LDLRAD3: variants seen among roughly 807,000 people sequenced by gnomAD.
The protein encoded by LDLRAD3 is low-density lipoprotein receptor class A domain-containing protein 3.
In LDLRAD3, 20 loss-of-function variants were observed where a neutral mutation model predicts 29.4. The ratio of observed to expected loss-of-function variants is 0.68; its 90% CI spans 0.48 to 0.99. The LOEUF (loss-of-function observed/expected upper bound fraction) is 0.99. LDLRAD3 is among the 50% of genes least tolerant of loss of function. LDLRAD3 has a pLI of 0.00. For synonymous variants in LDLRAD3, 157 were observed against 192.7 expected, an observed-to-expected ratio of 0.81 and a Z score of 1.53; for missense variants, 420 against 454.3, an observed-to-expected ratio of 0.92 and a Z score of 0.69.
intron 1 of LDLRAD3, among the ~76,000 whole-genome samples, chr11:36,035,552 T>C (rs1852292839): frequency 6.6e-6 from 1 of 152,204 alleles, no homozygotes; most frequent in African/African-American, 2.4e-5. Context: ...CAAGATTCAA[T>C]GTGGCCTTTT....
intron 1 of LDLRAD3, 72 bp from the exon 2 acceptor site, chr11:36,036,031 C>T (rs931679223): frequency 2.7e-5 from 40 of 1,501,322 alleles, no homozygotes; most frequent in Non-Finnish European, 3.5e-5. Flanking sequence ...CCAAACCACA[C>T]ACCTTTCAGT....
intron 3 of LDLRAD3, among the ~76,000 whole-genome samples, chr11:36,093,144 A>G (rs1853308264): frequency 2.0e-5 from 3 of 152,188 alleles, no homozygotes; most frequent in Admixed American, 2.0e-4. Flanking sequence ...AGGGAAGGGA[A>G]GTGAGTGCTC....
intron 3 of LDLRAD3, among the ~76,000 whole-genome samples, chr11:36,083,050 A>G (rs1853140065): frequency 6.6e-6 from 1 of 152,236 alleles, no homozygotes; most frequent in Admixed American, 6.5e-5. Context: ...GGTTCACAGC[A>G]AAACTGAGAG....
intron 4 of LDLRAD3, among the ~76,000 whole-genome samples, chr11:36,139,538 C>T (rs569794000): frequency 6.6e-6 from 1 of 152,246 alleles, no homozygotes; most frequent in South Asian, 2.1e-4. Context: ...TGATGTTTTT[C>T]AGTCGCTTCA....
At chr11:36,165,059 G>A (rs1035810346) in intron 4 of LDLRAD3, among the ~76,000 whole-genome samples, 2 of 152,192 alleles carry the variant, frequency 1.3e-5, no homozygotes, top group African/African-American at 4.8e-5. Context: ...ATCACTATTA[G>A]CAGTTGGCGT....
intron 2 of LDLRAD3, among the ~76,000 whole-genome samples, chr11:36,066,256 C>G (rs2133239262): frequency 6.6e-6 from 1 of 151,296 alleles, no homozygotes; most frequent in Non-Finnish European, 1.5e-5. Context: ...TACTGAAAGA[C>G]TCTTTTTTTA....
intron 2 of LDLRAD3, 46 bp downstream of exon 2, chr11:36,036,295 G>A (rs1210616005): frequency 2.5e-6 from 4 of 1,611,054 alleles, no homozygotes; most frequent in African/African-American, 2.7e-5. Context: ...AGCCATCCTG[G>A]GGCAGAGGGG....
chr11:36,099,783 G>A (rs1396259458), intron 4 of LDLRAD3, among the ~76,000 whole-genome samples: 1 of 152,154 alleles, frequency 6.6e-6, no homozygotes, highest in Non-Finnish European at 1.5e-5. Flanking sequence ...AAGGATTATG[G>A]TCAATCTAAA....
rs550508847 is a variant in LDLRAD3 at position 36,198,374 on chromosome 11, T to C, written c.455-28711T>C. 5.6e-3 allele frequency among the ~76,000 whole-genome samples: 846 copies of C among 151,394 alleles called. 5 individuals are homozygous for C. Among genetic ancestry groups the C allele is most frequent in the Non-Finnish European group, 9.0e-3 (611 of 67,782 alleles). On this transcript the variant is annotated intron_variant, in intron 4 of 5. Coordinates refer to ENST00000315571, the MANE Select transcript of LDLRAD3 (RefSeq NM_174902.4). Reference sequence around the variant, plus strand: ...CACCTTCTTTATGAATGGTTAGAAATACACACACACACACACACTTTCTCA... The same window carrying C: ...CACCTTCTTTATGAATGGTTAGAAACACACACACACACACACACTTTCTCA...
At chr11:36,118,693 T>C (rs1027612234) in intron 4 of LDLRAD3, among the ~76,000 whole-genome samples, 1 of 152,176 alleles carries the variant, frequency 6.6e-6, no homozygotes, top group Non-Finnish European at 1.5e-5. Context: ...TTAGATGTAA[T>C]TAATATACCA....
At chr11:35,998,205 G>A (rs1231429658) in intron 1 of LDLRAD3, among the ~76,000 whole-genome samples, 2 of 152,114 alleles carry the variant, frequency 1.3e-5, no homozygotes, top group Non-Finnish European at 2.9e-5. Flanking sequence ...CTGATTTTTG[G>A]TAGTGCAAAT....
At chr11:36,142,266 T>C (rs1854097131) in intron 4 of LDLRAD3, among the ~76,000 whole-genome samples, 1 of 152,160 alleles carries the variant, frequency 6.6e-6, no homozygotes, top group Non-Finnish European at 1.5e-5. Flanking sequence ...TAGACTGCAG[T>C]CTCCCTCATT....
At chr11:36,170,273 CATATATGTACAT>C (rs1854576779) in intron 4 of LDLRAD3, among the ~76,000 whole-genome samples, 1 of 146,240 alleles carries the variant, frequency 6.8e-6, no homozygotes, top group Non-Finnish European at 1.5e-5. Flanking sequence ...TATATATACA[CATATATGTACAT>C]ATATACACAC....
At chr11:35,985,350 A>G (rs1364728041) in intron 1 of LDLRAD3, among the ~76,000 whole-genome samples, 1 of 152,084 alleles carries the variant, frequency 6.6e-6, no homozygotes, top group Non-Finnish European at 1.5e-5. Context: ...TTCCTTTTAG[A>G]CAAGTTAGGA....
chr11:36,124,199 T>C (rs969215589), intron 4 of LDLRAD3, among the ~76,000 whole-genome samples: 1 of 152,202 alleles, frequency 6.6e-6, no homozygotes, highest in African/African-American at 2.4e-5. Flanking sequence ...ACAAATTAAT[T>C]TGGCCTCATT....
intron 1 of LDLRAD3, among the ~76,000 whole-genome samples, chr11:36,029,908 TC>T (rs1378017372): frequency 2.0e-5 from 3 of 152,186 alleles, no homozygotes; most frequent in Non-Finnish European, 4.4e-5. Context: ...CATCAGTTGT[TC>T]CTGCTGCAGA....
intron 2 of LDLRAD3, among the ~76,000 whole-genome samples, chr11:36,066,678 C>G (rs1047033147): frequency 1.3e-5 from 2 of 152,152 alleles, no homozygotes; most frequent in African/African-American, 4.8e-5. Flanking sequence ...AATAAAAGTA[C>G]TTTAAAGGTC....
At chr11:36,082,660 T>C (rs1409844912) in intron 3 of LDLRAD3, among the ~76,000 whole-genome samples, 1 of 152,248 alleles carries the variant, frequency 6.6e-6, no homozygotes, top group Non-Finnish European at 1.5e-5. Flanking sequence ...CTGGTATCAG[T>C]GTGCATGCAC....
chr11:36,106,772 G>C (rs1853535050), intron 4 of LDLRAD3, among the ~76,000 whole-genome samples: 1 of 152,246 alleles, frequency 6.6e-6, no homozygotes, highest in South Asian at 2.1e-4. Context: ...TATGGGGTCT[G>C]TGATAGACTG....
Sources: allele counts gnomAD v4.1 joint callset (sites outside exome capture counted in the v4.1 genomes callset), GRCh38; gene constraint gnomAD v4.1.1; transcripts MANE v1.5; gene names NCBI Gene and HGNC (gene_info 2026-07-23, HGNC 2026-07-21).